Variants in RIMS2 observed in about 807,000 individuals in gnomAD.
RIMS2 encodes regulating synaptic membrane exocytosis 2.
Under a neutral mutation model 174.4 loss-of-function variants are expected in RIMS2, and 59 were observed. The ratio of observed to expected loss-of-function variants is 0.34; its 90% CI spans 0.27 to 0.42. The LOEUF is 0.42. RIMS2 is among the 10% of genes least tolerant of loss of function. RIMS2 has a pLI of 1.00. For synonymous variants in RIMS2, 606 were observed against 572.5 expected, an observed-to-expected ratio of 1.06 and a Z score of -0.84; for missense variants, 1,620 against 1,666.3, an observed-to-expected ratio of 0.97 and a Z score of 0.48.
chr8:103,889,561 C>A (rs533185808), intron 4 of RIMS2, among the ~76,000 whole-genome samples: 1 of 151,608 alleles, frequency 6.6e-6, no homozygotes, highest in African/African-American at 2.4e-5. Flanking sequence ...GCTTCTACTA[C>A]GTAGCAGAAT....
intron 1 of RIMS2, among the ~76,000 whole-genome samples, chr8:103,535,755 A>G (rs1012251204): frequency 6.6e-6 from 1 of 152,258 alleles, no homozygotes; most frequent in Non-Finnish European, 1.5e-5. Flanking sequence ...AAGCTTCTGA[A>G]TACTCTGAGA....
intron 3 of RIMS2, among the ~76,000 whole-genome samples, chr8:103,881,031 T>G (rs1473276486): frequency 6.6e-6 from 1 of 151,478 alleles, no homozygotes; most frequent in Admixed American, 6.6e-5. Context: ...TTCAGGTTAT[T>G]GATTTTTAAA....
chr8:103,575,676 A>C (rs1334281866), intron 1 of RIMS2, among the ~76,000 whole-genome samples: 1 of 105,734 alleles, frequency 9.5e-6, no homozygotes, highest in African/African-American at 3.4e-5. Flanking sequence ...ACACATACAC[A>C]CACACACACA....
At chr8:104,054,344 A>G (rs2096835967) in intron 19 of RIMS2, among the ~76,000 whole-genome samples, 1 of 152,148 alleles carries the variant, frequency 6.6e-6, no homozygotes, top group Admixed American at 6.6e-5. Flanking sequence ...ACCAATAGCA[A>G]TCAGCGGCAG....
intron 1 of RIMS2, among the ~76,000 whole-genome samples, chr8:103,544,724 T>C (rs1157617636): frequency 6.6e-6 from 1 of 152,188 alleles, no homozygotes; most frequent in South Asian, 2.1e-4. Context: ...GAGGGAGCCC[T>C]GTGCACCAGA....
intron 3 of RIMS2, among the ~76,000 whole-genome samples, chr8:103,876,867 TATATATATATATATATATATA>T (rs2099141148): frequency 5.6e-4 from 16 of 28,480 alleles, no homozygotes; most frequent in East Asian, 1.2e-3. Context: ...CACTATTTTA[TATATATATATATATATATATA>T]TATATATATA....
chr8:104,227,759 C>T (rs961733149), intron 19 of RIMS2, among the ~76,000 whole-genome samples: 2 of 152,106 alleles, frequency 1.3e-5, no homozygotes, highest in African/African-American at 4.8e-5. Flanking sequence ...TATAGTTTGG[C>T]AATCATACAG....
At chr8:103,951,472 G>C (rs1304206084) in intron 14 of RIMS2, among the ~76,000 whole-genome samples, 3 of 152,232 alleles carry the variant, frequency 2.0e-5, no homozygotes, top group African/African-American at 7.2e-5. Context: ...AGCCAAAGCA[G>C]GATGGGGCGT....
chr8:103,523,982 A>G (rs4642610), intron 1 of RIMS2, among the ~76,000 whole-genome samples: 27,655 of 152,052 alleles, frequency 0.18, 2,761 homozygotes, highest in African/African-American at 0.26. Flanking sequence ...TGATTTTGCT[A>G]CCCAAAAAAT....
rs533835074 is a variant in RIMS2 at position 103,999,081 on chromosome 8, A to T, written c.3044+9660A>T. Among the ~76,000 whole-genome samples the T allele has an allele frequency of 2.0e-5, 3 of 151,848 alleles. No individual in the cohort carries two copies. The South Asian group carries it at 6.2e-4, about 31-fold the overall frequency. On this transcript the variant is annotated intron_variant, in intron 17 of 23. Coordinates refer to ENST00000504942, the Ensembl canonical transcript of RIMS2. ...TTAGGTAAAGAAATAATGTGGTGGA[A>T]GGCTTAGCTAGTATAAATTAGGAAT...
chr8:103,756,319 C>T (rs1411103062), intron 2 of RIMS2, among the ~76,000 whole-genome samples: 1 of 151,388 alleles, frequency 6.6e-6, no homozygotes, highest in African/African-American at 2.4e-5. Context: ...GAGCTGCAGA[C>T]CGGAGCCGTT....
chr8:103,629,543 G>T (rs1724905890), intron 1 of RIMS2, among the ~76,000 whole-genome samples: 1 of 152,100 alleles, frequency 6.6e-6, no homozygotes, highest in African/African-American at 2.4e-5. Flanking sequence ...TAAAAAAATA[G>T]GAAGAAGGGT....
At chr8:103,787,935 C>T (rs1167683512) in intron 3 of RIMS2, among the ~76,000 whole-genome samples, 1 of 152,130 alleles carries the variant, frequency 6.6e-6, no homozygotes, top group Admixed American at 6.5e-5. Flanking sequence ...GGTCTTTTCA[C>T]ATAGTCCCAT....
intron 1 of RIMS2, among the ~76,000 whole-genome samples, chr8:103,626,058 ATGT>A (rs997288923): frequency 1.3e-5 from 2 of 152,098 alleles, no homozygotes; most frequent in African/African-American, 2.4e-5. Flanking sequence ...TATGTGATAA[ATGT>A]TGTAAGTGCA....
intron 1 of RIMS2, among the ~76,000 whole-genome samples, chr8:103,590,025 C>T (rs193258406): frequency 1.3e-5 from 2 of 151,294 alleles, no homozygotes; most frequent in Admixed American, 1.3e-4. Context: ...TTATGCACAA[C>T]GTGGTGACTA....
intron 3 of RIMS2, among the ~76,000 whole-genome samples, chr8:103,787,220 T>C (rs1417752908): frequency 1.3e-5 from 2 of 150,568 alleles, no homozygotes; most frequent in Admixed American, 1.3e-4. Flanking sequence ...CTTGACTCTT[T>C]ATCCAATTTG....
chr8:103,791,464 A>T lies in RIMS2; in HGVS notation c.698+24927A>T, dbSNP rs186940820. Among the ~76,000 whole-genome samples, 318 of 152,276 alleles carry T rather than the reference A, an allele frequency of 2.1e-3. 2 individuals carry two copies. The highest frequency in any genetic ancestry group is 7.1e-3 in the African/African-American group (294 of 41,556). The stretch of plus-strand genomic sequence containing the variant: ...ACAACCCGTACGAGCCACTGCAAAA[A>T]CATGCCAAATTGTAAAGACCGTCGA... On this transcript the variant is annotated intron_variant, in intron 3 of 23. Coordinates refer to ENST00000504942, the Ensembl canonical transcript of RIMS2.
chr8:103,560,280 A>G (rs1179038593), intron 1 of RIMS2, among the ~76,000 whole-genome samples: 1 of 152,170 alleles, frequency 6.6e-6, no homozygotes, highest in Non-Finnish European at 1.5e-5. Flanking sequence ...CGGGAGGCTG[A>G]GGTAGGAGAA....
chr8:103,694,096 C>A (rs909395917), intron 1 of RIMS2, among the ~76,000 whole-genome samples: 1 of 152,126 alleles, frequency 6.6e-6, no homozygotes, highest in Non-Finnish European at 1.5e-5. Context: ...TCTACTGTCA[C>A]ACTATTGATC....
Sources: gnomAD v4.1 joint callset for allele counts (sites outside exome capture counted in the v4.1 genomes callset) on GRCh38, gnomAD v4.1.1 for gene constraint, MANE v1.5 for transcripts, NCBI Gene and HGNC (gene_info 2026-07-23, HGNC 2026-07-21) for gene names.